Variants in AGBL2 observed in about 807,000 individuals in gnomAD.
The protein encoded by AGBL2 is cytosolic carboxypeptidase 2.
In AGBL2, 87 loss-of-function variants were observed where a neutral mutation model predicts 103.0. That is an observed-to-expected ratio of 0.84 (90% CI 0.71 to 1.01). The LOEUF (loss-of-function observed/expected upper bound fraction) is 1.01. AGBL2 is among the 50% of genes least tolerant of loss of function. AGBL2 has a pLI of 0.00. For missense variants in AGBL2, 904 were observed against 1,023.5 expected (o/e 0.88, Z 1.59); for synonymous variants, 335 against 356.7 (o/e 0.94, Z 0.69).
At position 47,671,243 on chromosome 11, in the gene AGBL2, G is replaced by C. The variant is rs558100829; in HGVS notation, c.2148-2336C>G. Among the ~76,000 whole-genome samples the C allele has an allele frequency of 2.6e-5, 4 of 151,730 alleles. No individual in the cohort carries two copies. In the South Asian group the frequency reaches 8.3e-4, roughly 32 times the overall value. ...AGTTTACTGGCACAAGGCCAGGCGCGGTGGCTCATGCCTGTAATCCCAGCA... is the reference window on the plus strand; with the variant it reads ...AGTTTACTGGCACAAGGCCAGGCGCCGTGGCTCATGCCTGTAATCCCAGCA... On this transcript the variant is annotated intron_variant, in intron 14 of 18. Transcript: ENST00000525123.
intron 4 of AGBL2, among the ~76,000 whole-genome samples, chr11:47,707,369 G>A (rs1364883896): frequency 6.6e-6 from 1 of 152,192 alleles, no homozygotes; most frequent in East Asian, 1.9e-4. Flanking sequence ...GAGGTTTAAT[G>A]GACTTACACT....
At chr11:47,699,627 A>T in intron 7 of AGBL2, 74 bp from the exon 8 acceptor site, 1 of 779,620 alleles carries the variant, frequency 1.3e-6, no homozygotes. Flanking sequence ...ATATAAAATA[A>T]TAATAATAAT....
chr11:47,705,062 T>C (rs184416721), intron 6 of AGBL2: 47 of 174,168 alleles, frequency 2.7e-4, no homozygotes, highest in Admixed American at 6.3e-4. Context: ...ATTATTTTTG[T>C]TTAGCTAGTG....
chr11:47,692,231 G>A lies in AGBL2; in HGVS notation c.720C>T (p.Thr240=), dbSNP rs773048363. ...CTCGTTTGCCTCCCACTCTGGAACT[G>A]GTAAAATAGGAACCTTCTATAGGCA... ...DSVPIEGSYF[T]SSRVGGKRGI... The change falls in exon 9 of 19, where the codon ACC becomes ACT. Residue 240 remains threonine, a synonymous_variant. Coordinates refer to ENST00000525123, the MANE Select transcript of AGBL2 (RefSeq NM_024783.4). The A allele has an allele frequency of 6.2e-7, 1 of 1,613,396 alleles. No homozygotes were observed.
intron 14 of AGBL2, among the ~76,000 whole-genome samples, chr11:47,675,015 T>A (rs2097369686): frequency 6.6e-6 from 1 of 152,058 alleles, no homozygotes; most frequent in South Asian, 2.1e-4. Flanking sequence ...ATTACAGGTG[T>A]GAGCCACCGC....
chr11:47,666,255 A>T (rs2153802674), intron 17 of AGBL2, among the ~76,000 whole-genome samples: 1 of 151,958 alleles, frequency 6.6e-6, no homozygotes, highest in Non-Finnish European at 1.5e-5. Flanking sequence ...TTAGCCGAGC[A>T]TGGTGGTGGG....
chr11:47,704,813 T>C, intron 6 of AGBL2, 85 bp from the exon 7 acceptor site: 1 of 1,046,346 alleles, frequency 9.6e-7, no homozygotes. Flanking sequence ...GAAACTATTT[T>C]AAGCATTATA....
At chr11:47,661,912 C>T (rs1328611322) in intron 18 of AGBL2, among the ~76,000 whole-genome samples, 1 of 151,970 alleles carries the variant, frequency 6.6e-6, no homozygotes, top group East Asian at 1.9e-4. Context: ...CCACACCTGG[C>T]TAATTTTTTG....
intron 14 of AGBL2, among the ~76,000 whole-genome samples, chr11:47,675,466 C>A (rs1010468612): frequency 4.4e-5 from 6 of 135,700 alleles, no homozygotes; most frequent in Admixed American, 1.7e-4. Flanking sequence ...CTCACAGTAA[C>A]CTCCACCTCT....
intron 16 of AGBL2, 35 bp from the exon 17 acceptor site, chr11:47,667,098 G>C (rs1378858847): frequency 2.8e-6 from 4 of 1,416,776 alleles, no homozygotes; most frequent in Non-Finnish European, 3.9e-6. Flanking sequence ...TTTTTCAATT[G>C]ATCTATTCAA....
At position 47,685,882 on chromosome 11, in the gene AGBL2, T is replaced by C. The variant is rs749446182; in HGVS notation, c.1788+11A>G. The C allele has an allele frequency of 1.2e-6, 2 of 1,611,822 alleles. No homozygotes were observed. The highest frequency in any genetic ancestry group is 1.7e-6 in the Non-Finnish European group (2 of 1,178,794). Reference sequence around the variant, plus strand: ...TAACTCAATGGAGAGAAAATTACATTATGTGCTTACCTTATCTGGTGCATT... The same window carrying C: ...TAACTCAATGGAGAGAAAATTACATCATGTGCTTACCTTATCTGGTGCATT... On this transcript the variant is annotated intron_variant, in intron 11 of 18. Coordinates refer to ENST00000525123, the MANE Select transcript of AGBL2 (RefSeq NM_024783.4).
In AGBL2 at chr11:47,690,310, C is replaced by T; in HGVS notation, c.1397G>A (p.Ser466Asn). ...VLSARVHPGE[S>N]NGSWVMKGFL... ...GCCTTTCATAACCCAGGAGCCATTA[C>T]TTTCTCCAGGGTGAACTCTGGCACT... Residue 466 changes from serine to asparagine, a missense_variant, in exon 10 of 19, where the codon AGT becomes AAT. Physicochemically the swap from Ser to Asn is conservative, Grantham distance 46. Coordinates refer to ENST00000525123, the MANE Select transcript of AGBL2 (RefSeq NM_024783.4). 2.5e-6 allele frequency: 4 copies of T among 1,613,744 alleles called. No homozygotes were observed. Among genetic ancestry groups the T allele is most frequent in the South Asian group, 1.1e-5 (1 of 91,030 alleles).
chr11:47,706,890 CCAAAAAAAAAAA>C (rs2097522371), intron 4 of AGBL2, among the ~76,000 whole-genome samples: 2 of 53,240 alleles, frequency 3.8e-5, no homozygotes, highest in Admixed American at 2.0e-4. Flanking sequence ...CTCTACTATT[CCAAAAAAAAAAA>C]AAAAAAAAAA....
intron 14 of AGBL2, among the ~76,000 whole-genome samples, chr11:47,675,931 A>C (rs1427502956): frequency 6.6e-6 from 1 of 151,980 alleles, no homozygotes; most frequent in African/African-American, 2.4e-5. Flanking sequence ...GCTTGAGCCC[A>C]GGAAGTTGAG....
chr11:47,662,410 C>A (rs1219957931), intron 18 of AGBL2, among the ~76,000 whole-genome samples: 3 of 150,340 alleles, frequency 2.0e-5, no homozygotes, highest in Non-Finnish European at 4.4e-5. Context: ...GAACTCCTAA[C>A]CTCAGGTGAT....
chr11:47,675,216 T>G (rs2097370506), intron 14 of AGBL2, among the ~76,000 whole-genome samples: 1 of 139,780 alleles, frequency 7.2e-6, no homozygotes, highest in Non-Finnish European at 1.5e-5. Context: ...TTTTTTTTTT[T>G]TTTTTTTTCT....
intron 11 of AGBL2, among the ~76,000 whole-genome samples, chr11:47,682,960 GA>G (rs1393120712): frequency 7.0e-6 from 1 of 143,712 alleles, no homozygotes; most frequent in African/African-American, 2.6e-5. Context: ...CTGAAAGAAA[GA>G]AAAGAAGATA....
In AGBL2 at chr11:47,660,355, A is replaced by G. The variant is rs766879939; in HGVS notation, c.2536-9T>C. Reference sequence around the variant, plus strand: ...AAGCCTGGCTTCTTATTCTGTGCAAATAAGATTTTAAAAAGTTGAATTCAG... The same window carrying G: ...AAGCCTGGCTTCTTATTCTGTGCAAGTAAGATTTTAAAAAGTTGAATTCAG... On this transcript the variant is annotated splice_polypyrimidine_tract_variant and intron_variant, in intron 18 of 18. Transcript: ENST00000525123. The G allele has an allele frequency of 2.5e-6, 4 of 1,590,720 alleles. No homozygotes were observed. Among genetic ancestry groups the G allele is most frequent in the Non-Finnish European group, 3.4e-6 (4 of 1,168,594 alleles).
rs2097463799 is a variant in AGBL2 at position 47,695,351 on chromosome 11, T to A, written c.695-3095A>T. Among the ~76,000 whole-genome samples, 3 of 150,972 alleles carry A rather than the reference T, an allele frequency of 2.0e-5. No individual in the cohort carries two copies. The South Asian group carries it at 6.3e-4, about 32-fold the overall frequency. ...TTAGTCAGGTGTGATGGTAGGCAAC[T>A]ATAATTCTAGCTACTTGGGAGGCTG... On this transcript the variant is annotated intron_variant, in intron 8 of 18. Transcript: ENST00000525123.
Sources: allele counts gnomAD v4.1 joint callset (sites outside exome capture counted in the v4.1 genomes callset), GRCh38; gene constraint gnomAD v4.1.1; transcripts MANE v1.5; gene names NCBI Gene and HGNC (gene_info 2026-07-23, HGNC 2026-07-21).